The following SLC35C1 variants were observed in gnomAD, a reference collection of about 807,000 sequenced individuals.
The protein encoded by SLC35C1 is GDP-fucose transporter 1.
SLC35C1 carries 8 observed loss-of-function variants against 23.2 expected under a neutral mutation model. The observed-to-expected ratio is 0.35, with a 90% CI of 0.20 to 0.62. The LOEUF (loss-of-function observed/expected upper bound fraction) is 0.62. Ranked by LOEUF, SLC35C1 falls within the 20% of genes least tolerant of loss-of-function variation. The probability of loss-of-function intolerance (pLI) is 0.75; values close to 1 mark genes in which losing one functional copy is unlikely to be tolerated. For missense variants in SLC35C1, 422 were observed against 478.6 expected, an observed-to-expected ratio of 0.88 and a Z score of 1.10; for synonymous variants, 226 against 225.1, an observed-to-expected ratio of 1.00 and a Z score of -0.04.
In SLC35C1 at chr11:45,805,658, A is replaced by G; in HGVS notation, c.-144A>G. On this transcript the variant is annotated 5_prime_UTR_variant, in exon 1 of 2. Coordinates refer to ENST00000314134, the MANE Select transcript of SLC35C1 (RefSeq NM_018389.5). ...CCAAAGCAGAACTTCTCAATCCATGAGGACAATGGGGAGGCCTTTAGGCCA... is the reference window on the plus strand; with the variant it reads ...CCAAAGCAGAACTTCTCAATCCATGGGGACAATGGGGAGGCCTTTAGGCCA... 3 of 1,534,060 alleles carry G rather than the reference A, an allele frequency of 2.0e-6. No individual in the cohort carries two copies. The highest frequency in any genetic ancestry group is 2.6e-6 in the Non-Finnish European group (3 of 1,143,474).
intron 1 of SLC35C1, chr11:45,806,818 T>C: frequency 1.2e-6 from 1 of 844,602 alleles, no homozygotes; most frequent in Non-Finnish European, 1.4e-6. Flanking sequence ...TTATTGTTTC[T>C]CAAGAGCTCA....
intron 1 of SLC35C1, chr11:45,810,029 C>T (rs1168153012): frequency 1.2e-5 from 12 of 985,006 alleles, no homozygotes; most frequent in East Asian, 2.3e-4. Flanking sequence ...TGGCACAGGA[C>T]ATGAACAAGG....
chr11:45,804,398 G>C (rs1358714902), upstream of SLC35C1: 2 of 774,860 alleles, frequency 2.6e-6, no homozygotes, highest in Non-Finnish European at 3.1e-6. Flanking sequence ...GTCGCGGGGC[G>C]GGCGCCCAGT....
At chr11:45,810,604 CT>C in intron 1 of SLC35C1, 171 bp from the exon 2 acceptor site, 1 of 985,356 alleles carries the variant, frequency 1.0e-6, no homozygotes, top group African/African-American at 1.7e-5. Flanking sequence ...ATGTGGAGTG[CT>C]TTGCCTGCAG....
At position 45,805,415 on chromosome 11, in the gene SLC35C1, C is replaced by T. The variant is rs955620712; in HGVS notation, c.-387C>T. On this transcript the variant is annotated 5_prime_UTR_variant, in exon 1 of 2. Coordinates refer to ENST00000314134, the MANE Select transcript of SLC35C1 (RefSeq NM_018389.5). The stretch of plus-strand genomic sequence containing the variant: ...TCTGCCACGCGTCCTTTTCCTGCAC[C>T]TTCGCCCCGCGTACCTACTCCTGCC... The T allele has an allele frequency of 1.9e-6, 2 of 1,067,578 alleles. No homozygotes were observed. The highest frequency in any genetic ancestry group is 1.7e-5 in the African/African-American group (1 of 60,378). 66.1% of individuals were successfully genotyped at this position (1,067,578 alleles called of 1,614,324 possible). A position where few individuals can be genotyped will look rare whatever the true frequency, so the allele number is the denominator to read the frequency against.
chr11:45,805,242 CAGCCCCA>C lies in SLC35C1; in HGVS notation c.-553_-547del, dbSNP rs2085856012. On this transcript the variant is annotated 5_prime_UTR_variant, in exon 1 of 2. It removes the in-frame stop codon of an upstream open reading frame in the 5' UTR. Coordinates refer to ENST00000314134, the MANE Select transcript of SLC35C1 (RefSeq NM_018389.5). ...CGGCCCAGCCCCCTCCCGCGTCCTT[CAGCCCCA>C]AGCCCCGAGCCCCTCTGACCCTTCC... 3 of 997,384 alleles carry C rather than the reference CAGCCCCA, an allele frequency of 3.0e-6. No homozygotes were observed. The highest frequency in any genetic ancestry group is 3.6e-6 in the Non-Finnish European group (3 of 836,290). The allele number at this position is 997,384 out of a possible 1,614,324, so 61.8% of individuals were successfully genotyped here.
rs1308048182 is a variant in SLC35C1, at chr11:45,811,096, C to T, written c.856C>T (p.Leu286=). The change falls in exon 2 of 2, where the codon CTG becomes TTG. Residue 286 remains leucine, a synonymous_variant. Transcript: ENST00000314134. ...CTTTGCCATCGGCTACGTGACAGGA[C>T]TGCAGATCAAGTTCACCAGTCCGCT... ...FGFAIGYVTG[L]QIKFTSPLTH... The T allele has an allele frequency of 6.2e-7, 1 of 1,613,196 alleles. No homozygotes were observed. Among genetic ancestry groups the T allele is most frequent in the African/African-American group, 1.3e-5 (1 of 74,950 alleles).
Position 45,810,843 on chromosome 11 carries a change from C to G in SLC35C1, c.603C>G (p.Phe201Leu). Reference sequence around the variant, plus strand: ...CCCTGTCGTGGCTGGGCACCGTCTTCGGCGTGCTGGCTAGCCTCTGTGTCT... The same window carrying G: ...CCCTGTCGTGGCTGGGCACCGTCTTGGGCGTGCTGGCTAGCCTCTGTGTCT... The part of the protein sequence containing the change: ...EGTLSWLGTV[F>L]GVLASLCVSL... Residue 201 changes from phenylalanine to leucine, a missense_variant, in exon 2 of 2, where the codon TTC becomes TTG. Physicochemically the swap from Phe to Leu is conservative, Grantham distance 22. Transcript: ENST00000314134. 1 of 1,612,452 alleles carries G rather than the reference C, an allele frequency of 6.2e-7. No homozygotes were observed. The highest frequency in any genetic ancestry group is 1.3e-5 in the African/African-American group (1 of 75,062).
upstream of SLC35C1, chr11:45,804,612 G>C: frequency 1.0e-6 from 1 of 985,862 alleles, no homozygotes; most frequent in Non-Finnish European, 1.2e-6. Flanking sequence ...AAGTCCGAGA[G>C]AGGCGGCGTG....
rs536534679 is a variant in SLC35C1 at position 45,805,153 on chromosome 11, G to C, written c.-649G>C. ...CCCGCCTCCCGGGGAGTCGGCCTCGGATGTCCGGAGGCTCCTGGGCTGAGC... is the reference window on the plus strand; with the variant it reads ...CCCGCCTCCCGGGGAGTCGGCCTCGCATGTCCGGAGGCTCCTGGGCTGAGC... On this transcript the variant is annotated 5_prime_UTR_variant, in exon 1 of 2. Transcript: ENST00000314134. 2 of 986,698 alleles carry C rather than the reference G, an allele frequency of 2.0e-6. No individual in the cohort carries two copies. Among genetic ancestry groups the C allele is most frequent in the South Asian group, 9.3e-5 (2 of 21,560 alleles). 61.1% of individuals were successfully genotyped at this position (986,698 alleles called of 1,614,324 possible).
intron 1 of SLC35C1, among the ~76,000 whole-genome samples, chr11:45,807,200 A>C (rs562730719): frequency 6.6e-6 from 1 of 152,330 alleles, no homozygotes; most frequent in East Asian, 1.9e-4. Flanking sequence ...CCAGACTCCC[A>C]GGCCTGTGCT....
In SLC35C1 at chr11:45,805,335, G is replaced by GGGCCCCCCCC; in HGVS notation, c.-467_-466insGGCCCCCCCC. On this transcript the variant is annotated 5_prime_UTR_variant, in exon 1 of 2. Transcript: ENST00000314134. Reference sequence around the variant, plus strand: ...GCTCCCTGTACGCCTCCCTCCCCCTGCCCGCCCCTCCCTCCCACAGCCGCC... The same window carrying GGGCCCCCCCC: ...GCTCCCTGTACGCCTCCCTCCCCCTGGGCCCCCCCCCCCGCCCCTCCCTCCCACAGCCGCC... The GGGCCCCCCCC allele has an allele frequency of 5.3e-5, 30 of 566,154 alleles. No individual in the cohort carries two copies. The highest frequency in any genetic ancestry group is 8.9e-4 in the Middle Eastern group (1 of 1,128). 35.1% of individuals were successfully genotyped at this position (566,154 alleles called of 1,614,324 possible). A position where few individuals can be genotyped will look rare whatever the true frequency, so the allele number is the denominator to read the frequency against.
In SLC35C1 at chr11:45,805,333, C is replaced by CCA; in HGVS notation, c.-469_-468insCA. The CCA allele has an allele frequency of 1.0e-6, 1 of 988,694 alleles. No individual in the cohort carries two copies. Among genetic ancestry groups the CCA allele is most frequent in the Non-Finnish European group, 1.2e-6 (1 of 822,132 alleles). 61.2% of individuals were successfully genotyped at this position (988,694 alleles called of 1,614,324 possible). On this transcript the variant is annotated 5_prime_UTR_variant, in exon 1 of 2. It adds an upstream start codon to the 5' untranslated region. Coordinates refer to ENST00000314134, the MANE Select transcript of SLC35C1 (RefSeq NM_018389.5). ...CAGCTCCCTGTACGCCTCCCTCCCC[C>CCA]TGCCCGCCCCTCCCTCCCACAGCCG...
At position 45,812,616 on chromosome 11, in the gene SLC35C1, T is replaced by C. The variant is rs554847552; in HGVS notation, c.*1281T>C. The C allele has an allele frequency of 2.9e-5, 13 of 456,030 alleles. No individual in the cohort carries two copies. Among genetic ancestry groups the C allele is most frequent in the South Asian group, 1.9e-4 (12 of 64,564 alleles). 28.2% of individuals were successfully genotyped at this position (456,030 alleles called of 1,614,324 possible). On this transcript the variant is annotated 3_prime_UTR_variant, in exon 2 of 2. Transcript: ENST00000314134. The stretch of plus-strand genomic sequence containing the variant: ...AACAAGCAAGCTCCTTCCTGCCTCT[T>C]TTATAAGGACTCCAACCCTGTTCAT...
rs1309020385 is a variant in SLC35C1, at chr11:45,811,381, G to A, written c.*46G>A. 7.0e-7 allele frequency: 1 copy of A among 1,434,726 alleles called. No homozygotes were observed. Among genetic ancestry groups the A allele is most frequent in the Middle Eastern group, 2.6e-4 (1 of 3,876 alleles). The allele number at this position is 1,434,726 out of a possible 1,614,324, so 88.9% of individuals were successfully genotyped here. On this transcript the variant is annotated 3_prime_UTR_variant, in exon 2 of 2. Transcript: ENST00000314134. ...GGCCCGGCCCCGGGGCCCGTACACA[G>A]GCGGGGCCAGCACAGTAGTGAAGGC...
At chr11:45,805,067 A>G, upstream of SLC35C1, 1 of 985,680 alleles carries the variant, frequency 1.0e-6, no homozygotes. Flanking sequence ...CTTTAAGGGC[A>G]AGGCGGGGCG....
At chr11:45,808,342 A>C (rs1321589827) in intron 1 of SLC35C1, among the ~76,000 whole-genome samples, 1 of 152,166 alleles carries the variant, frequency 6.6e-6, no homozygotes, top group Middle Eastern at 3.4e-3. Context: ...TCTACTAAAA[A>C]TACAAAAAAT....
Position 45,810,978 on chromosome 11 carries a change from C to G in SLC35C1, c.738C>G (p.Leu246=), listed in dbSNP as rs369955835. The G allele has an allele frequency of 6.2e-6, 10 of 1,612,928 alleles. No homozygotes were observed. The African/African-American group carries it at 1.1e-4, about 17-fold the overall frequency. ...CCTGCATCCTCTTCCTGCCCCTGCT[C>G]CTGCTGCTCGGGGAGCTTCAGGCCC... is the stretch of plus-strand genomic sequence containing the variant. ...VNACILFLPL[L]LLLGELQALR... Residue 246 remains leucine, a synonymous_variant, in exon 2 of 2, where the codon CTC becomes CTG. Transcript: ENST00000314134.
At position 45,810,849 on chromosome 11, in the gene SLC35C1, G is replaced by A. The variant is rs1042813855; in HGVS notation, c.609G>A (p.Val203=). ...TLSWLGTVFG[V]LASLCVSLNA... is the part of the protein sequence containing the mutation. ...CGTGGCTGGGCACCGTCTTCGGCGT[G>A]CTGGCTAGCCTCTGTGTCTCGCTCA... Residue 203 remains valine (V), a synonymous_variant, in exon 2 of 2, where the codon GTG becomes GTA. Transcript: ENST00000314134. The A allele has an allele frequency of 6.2e-7, 1 of 1,612,308 alleles. No individual in the cohort carries two copies.
Sources: gnomAD v4.1 joint callset for allele counts (sites outside exome capture counted in the v4.1 genomes callset) on GRCh38, gnomAD v4.1.1 for gene constraint, MANE v1.5 for transcripts, NCBI Gene and HGNC (gene_info 2026-07-23, HGNC 2026-07-21) for gene names.